NIM1K: variants seen among roughly 807,000 people sequenced by gnomAD.
The protein encoded by NIM1K is serine/threonine-protein kinase NIM1.
Under a neutral mutation model 37.1 loss-of-function variants are expected in NIM1K, and 35 were observed. The observed-to-expected ratio is 0.94, with a 90% confidence interval of 0.72 to 1.25. The LOEUF (loss-of-function observed/expected upper bound fraction) is 1.25, where lower values mean the gene tolerates loss of function less well. NIM1K is among the 50% of genes most tolerant of loss of function. The probability of loss-of-function intolerance (pLI) is 0.00; values close to 1 mark genes in which losing one functional copy is unlikely to be tolerated. For synonymous variants in NIM1K, 234 were observed against 206.6 expected, an observed-to-expected ratio of 1.13 and a Z score of -1.14; for missense variants, 564 against 548.0, an observed-to-expected ratio of 1.03 and a Z score of -0.29.
At chr5:43,232,479 C>T (rs1752554071) in intron 1 of NIM1K, 2 of 1,505,758 alleles carry the variant, frequency 1.3e-6, no homozygotes, top group African/African-American at 2.7e-5. Flanking sequence ...ACAATTTGAC[C>T]TATCAACCTA....
Position 43,280,797 on chromosome 5 carries a change from C to A in NIM1K, c.*68C>A. ...GCTTCTAAATTTTTTTCAAGGACAA[C>A]TTGAGTGGAGACATTTTTGTAATTT... On this transcript the variant is annotated 3_prime_UTR_variant, in exon 4 of 4. Coordinates refer to ENST00000326035, the MANE Select transcript of NIM1K (RefSeq NM_153361.4). 1.4e-6 allele frequency: 2 copies of A among 1,381,534 alleles called. No homozygotes were observed. Among genetic ancestry groups the A allele is most frequent in the Non-Finnish European group, 1.9e-6 (2 of 1,029,068 alleles). The allele number at this position is 1,381,534 out of a possible 1,614,324, so 85.6% of individuals were successfully genotyped here.
In NIM1K at chr5:43,276,927, C is replaced by T. The variant is rs74996703; in HGVS notation, c.293-130C>T. 29 of 886,650 alleles carry T rather than the reference C, an allele frequency of 3.3e-5. No homozygotes were observed. In the East Asian group the frequency reaches 6.8e-4, roughly 21 times the overall value. The allele number at this position is 886,650 out of a possible 1,614,324, so 54.9% of individuals were successfully genotyped here. On this transcript the variant is annotated intron_variant, in intron 2 of 3. Coordinates refer to ENST00000326035, the MANE Select transcript of NIM1K (RefSeq NM_153361.4). ...GGCTTAAGCATTGCTTTGTCATTCCCTGATGAGCTCTCTCAGCTTGGGAAC... is the reference window on the plus strand; with the variant it reads ...GGCTTAAGCATTGCTTTGTCATTCCTTGATGAGCTCTCTCAGCTTGGGAAC...
chr5:43,231,688 G>T (rs1752540999), intron 1 of NIM1K: 1 of 530,252 alleles, frequency 1.9e-6, no homozygotes, highest in Non-Finnish European at 3.5e-6. Flanking sequence ...TAAAGCATAG[G>T]TCAGTAGTTG....
chr5:43,237,635 G>C (rs1752640561), intron 1 of NIM1K, among the ~76,000 whole-genome samples: 1 of 152,040 alleles, frequency 6.6e-6, no homozygotes. Flanking sequence ...ATACTATTTA[G>C]AGCAACCCCA....
intron 2 of NIM1K, among the ~76,000 whole-genome samples, chr5:43,266,545 G>T (rs1009666545): frequency 3.9e-5 from 6 of 152,166 alleles, no homozygotes; most frequent in African/African-American, 1.4e-4. Flanking sequence ...TAAGAAAGGG[G>T]ATTCCCTGAC....
intron 1 of NIM1K, among the ~76,000 whole-genome samples, chr5:43,198,456 C>G (rs1751968478): frequency 1.3e-5 from 2 of 149,356 alleles, no homozygotes; most frequent in Non-Finnish European, 3.0e-5. Context: ...TTCCTTCTTT[C>G]TATAGTGAAA....
intron 2 of NIM1K, among the ~76,000 whole-genome samples, chr5:43,269,466 T>C (rs1753222109): frequency 6.6e-6 from 1 of 152,158 alleles, no homozygotes; most frequent in African/African-American, 2.4e-5. Context: ...GTTTGTGATA[T>C]TTTATCCATT....
chr5:43,213,257 TTTC>T (rs1752242284), intron 1 of NIM1K, among the ~76,000 whole-genome samples: 1 of 150,782 alleles, frequency 6.6e-6, no homozygotes, highest in African/African-American at 2.4e-5. Context: ...TTTCTTGTTC[TTTC>T]TTGTTTCTTT....
chr5:43,232,968 G>T (rs1752563932), intron 1 of NIM1K: 3 of 1,135,656 alleles, frequency 2.6e-6, no homozygotes, highest in African/African-American at 1.5e-5. Flanking sequence ...TGGGTTTCAG[G>T]TCTAGAAACA....
chr5:43,272,046 C>A (rs949730975), intron 2 of NIM1K, among the ~76,000 whole-genome samples: 1 of 152,138 alleles, frequency 6.6e-6, no homozygotes, highest in Non-Finnish European at 1.5e-5. Context: ...GAAGGTACCA[C>A]AATTTGTTTA....
chr5:43,205,441 C>CAG (rs1752093968), intron 1 of NIM1K, among the ~76,000 whole-genome samples: 1 of 152,210 alleles, frequency 6.6e-6, no homozygotes, highest in Non-Finnish European at 1.5e-5. Flanking sequence ...CAACACTACT[C>CAG]TAACACCAAC....
intron 1 of NIM1K, chr5:43,232,204 C>G: frequency 1.0e-6 from 1 of 996,352 alleles, no homozygotes; most frequent in Non-Finnish European, 1.6e-6. Flanking sequence ...CTTTGAGAAC[C>G]ATGTCACCAC....
chr5:43,198,334 TTCTG>T (rs1170854382), intron 1 of NIM1K, among the ~76,000 whole-genome samples: 19 of 142,234 alleles, frequency 1.3e-4, no homozygotes, highest in Admixed American at 3.7e-4. Flanking sequence ...CTTTCTGTCT[TTCTG>T]TCTTTCTTTC....
chr5:43,244,740 A>T (rs1470420391), intron 1 of NIM1K, among the ~76,000 whole-genome samples: 1 of 152,236 alleles, frequency 6.6e-6, no homozygotes, highest in African/African-American at 2.4e-5. Flanking sequence ...ACCATTAGTA[A>T]TCCAGAATCT....
intron 1 of NIM1K, chr5:43,232,756 T>A: frequency 1.7e-6 from 2 of 1,181,946 alleles, no homozygotes; most frequent in Non-Finnish European, 2.4e-6. Flanking sequence ...ACCAAAGCTG[T>A]GGAAAAACAA....
intron 1 of NIM1K, among the ~76,000 whole-genome samples, chr5:43,236,663 G>A (rs897792277): frequency 3.9e-5 from 6 of 152,214 alleles, no homozygotes; most frequent in Admixed American, 6.5e-5. Flanking sequence ...TGTTCTAGGC[G>A]TTTGAGTCTG....
intron 1 of NIM1K, among the ~76,000 whole-genome samples, chr5:43,208,448 CA>C (rs1752150279): frequency 6.6e-6 from 1 of 151,718 alleles, no homozygotes; most frequent in Non-Finnish European, 1.5e-5. Context: ...ATTAAAAATA[CA>C]AAAATTAGCC....
In NIM1K at chr5:43,245,084, T is replaced by C. The variant is rs921750089; in HGVS notation, c.-692T>C. The C allele has an allele frequency of 2.0e-5, 3 of 152,248 alleles. No individual in the cohort carries two copies. The highest frequency in any genetic ancestry group is 4.4e-5 in the Non-Finnish European group (3 of 68,048). The allele number at this position is 152,248 out of a possible 1,614,324, so 9.4% of individuals were successfully genotyped here. ...AATTTCTTACTCTCTATTCTTAGGT[T>C]GAACCAGCCAAATTTTCGAGACAGC... On this transcript the variant is annotated splice_region_variant and 5_prime_UTR_variant, in exon 2 of 4. Transcript: ENST00000326035.
intron 2 of NIM1K, among the ~76,000 whole-genome samples, chr5:43,264,700 G>GT (rs1561091979): frequency 1.3e-5 from 2 of 152,162 alleles, no homozygotes. Context: ...AGTTGATGCA[G>GT]TTTTCTCCCT....
Sources: gnomAD v4.1 joint callset for allele counts (sites outside exome capture counted in the v4.1 genomes callset) on GRCh38, gnomAD v4.1.1 for gene constraint, MANE v1.5 for transcripts, NCBI Gene and HGNC (gene_info 2026-07-23, HGNC 2026-07-21) for gene names.